Variants in OPCML observed in about 807,000 individuals in gnomAD.
OPCML encodes the protein opioid-binding protein/cell adhesion molecule.
Under a neutral mutation model 37.8 loss-of-function variants are expected in OPCML, and 13 were observed. The observed-to-expected ratio is 0.34, with a 90% CI of 0.22 to 0.55. OPCML has a LOEUF of 0.55. Among genes scored for constraint, OPCML ranks in the 20% least tolerant of loss-of-function variants. OPCML has a pLI of 0.91. For synonymous variants in OPCML, 176 were observed against 168.8 expected, an observed-to-expected ratio of 1.04 and a Z score of -0.33; for missense variants, 341 against 435.6, an observed-to-expected ratio of 0.78 and a Z score of 1.93.
rs533666957 is a variant in OPCML at position 132,749,518 on chromosome 11, G to A, written c.147-92199C>T. 3.9e-5 allele frequency among the ~76,000 whole-genome samples: 6 copies of A among 152,270 alleles called. No homozygotes were observed. In the South Asian group the frequency reaches 6.2e-4, roughly 16 times the overall value. On this transcript the variant is annotated intron_variant, in intron 2 of 7. Transcript: ENST00000524381. ...CAAGTTAAGTTTGGAAAACCTGTTAGACATTCAAACAGAGATGTCATGTAG... is the reference window on the plus strand; with the variant it reads ...CAAGTTAAGTTTGGAAAACCTGTTAAACATTCAAACAGAGATGTCATGTAG...
intron 3 of OPCML, among the ~76,000 whole-genome samples, chr11:132,630,419 G>A (rs553690767): frequency 1.5e-4 from 23 of 152,246 alleles, no homozygotes; most frequent in South Asian, 2.1e-4. Flanking sequence ...TTAGCTGGGC[G>A]TGGTGGCACG....
intron 1 of OPCML, among the ~76,000 whole-genome samples, chr11:133,281,031 G>A (rs917829167): frequency 1.3e-5 from 2 of 152,172 alleles, no homozygotes; most frequent in African/African-American, 2.4e-5. Flanking sequence ...AGGCACTGGA[G>A]AAATTGTCTG....
intron 1 of OPCML, chr11:133,025,594 T>C: frequency 2.0e-6 from 1 of 488,636 alleles, no homozygotes; most frequent in Non-Finnish European, 2.7e-6. Flanking sequence ...TTTAATTTCA[T>C]TCTTTTTTAA....
intron 1 of OPCML, among the ~76,000 whole-genome samples, chr11:133,458,823 G>GTGTGTGTGTATATACACATAGATGCACA (rs1946786268): frequency 6.8e-6 from 1 of 146,632 alleles, no homozygotes; most frequent in Non-Finnish European, 1.5e-5. Context: ...ATAGATGCAC[G>GTGTGTGTGTATATACACATAGATGCACA]TGTGTGTGTA....
chr11:133,169,275 T>C (rs1305762940), intron 1 of OPCML, among the ~76,000 whole-genome samples: 1 of 152,210 alleles, frequency 6.6e-6, no homozygotes, highest in Non-Finnish European at 1.5e-5. Context: ...GAACTTAACC[T>C]GGCTGGGTCC....
rs1940021 is a variant in OPCML, at chr11:132,528,514, T to G, written c.505+547A>C. 9.3e-3 allele frequency among the ~76,000 whole-genome samples: 1,422 copies of G among 152,316 alleles called. 105 individuals carry two copies. In the East Asian group the frequency reaches 0.18, roughly 20 times the overall value. On this transcript the variant is annotated intron_variant, in intron 4 of 7. Transcript: ENST00000524381. ...TTGGAAATGGTTTTAACTGATGTTTTCATACCAATTATTGAATGCTCAGCA... is the reference window on the plus strand; with the variant it reads ...TTGGAAATGGTTTTAACTGATGTTTGCATACCAATTATTGAATGCTCAGCA...
chr11:132,969,607 C>T (rs1020252453), intron 1 of OPCML, among the ~76,000 whole-genome samples: 2 of 152,162 alleles, frequency 1.3e-5, no homozygotes, highest in African/African-American at 4.8e-5. Context: ...CTTTTCTTCA[C>T]ACTTTTTTCT....
chr11:132,889,771 G>A (rs1943573005), intron 2 of OPCML, among the ~76,000 whole-genome samples: 2 of 152,188 alleles, frequency 1.3e-5, no homozygotes, highest in Admixed American at 1.3e-4. Flanking sequence ...CAGGGATGAG[G>A]TTTGTCTGAA....
intron 1 of OPCML, among the ~76,000 whole-genome samples, chr11:133,501,044 C>T (rs1323410322): frequency 6.6e-6 from 1 of 152,064 alleles, no homozygotes; most frequent in Admixed American, 6.5e-5. Context: ...TGTGGCAGCT[C>T]CAGCACCACT....
chr11:132,501,555 T>C (rs2096245663), intron 4 of OPCML, among the ~76,000 whole-genome samples: 1 of 152,186 alleles, frequency 6.6e-6, no homozygotes, highest in South Asian at 2.1e-4. Flanking sequence ...CCCAAGGAGC[T>C]GTACACAGAC....
At chr11:133,190,524 A>T (rs1444133988) in intron 1 of OPCML, among the ~76,000 whole-genome samples, 1 of 152,204 alleles carries the variant, frequency 6.6e-6, no homozygotes. Context: ...ATACAATTCA[A>T]CTGATTTTAG....
chr11:132,638,922 T>C (rs1165916906), intron 3 of OPCML, among the ~76,000 whole-genome samples: 1 of 152,214 alleles, frequency 6.6e-6, no homozygotes, highest in Non-Finnish European at 1.5e-5. Flanking sequence ...CTTTCTCTAC[T>C]GCATTGTCAT....
chr11:132,562,523 G>T (rs1426628441), intron 3 of OPCML, among the ~76,000 whole-genome samples: 1 of 152,072 alleles, frequency 6.6e-6, no homozygotes, highest in African/African-American at 2.4e-5. Flanking sequence ...GAATTATAAA[G>T]CAGAACTGCA....
intron 1 of OPCML, among the ~76,000 whole-genome samples, chr11:133,399,392 C>T (rs1386124272): frequency 1.3e-5 from 2 of 152,138 alleles, no homozygotes; most frequent in African/African-American, 4.8e-5. Flanking sequence ...AACTTAATCA[C>T]TGGATGGCAA....
intron 1 of OPCML, among the ~76,000 whole-genome samples, chr11:133,144,564 A>C (rs191126549): frequency 1.3e-5 from 2 of 152,232 alleles, no homozygotes; most frequent in South Asian, 4.1e-4. Flanking sequence ...CTTTCGGCAC[A>C]TGGGAAGCAT....
intron 1 of OPCML, among the ~76,000 whole-genome samples, chr11:132,975,864 G>A (rs185790198): frequency 1.1e-3 from 167 of 152,064 alleles, no homozygotes; most frequent in African/African-American, 3.9e-3. Flanking sequence ...TCCACCTCCC[G>A]GGTTCACACC....
chr11:132,613,972 C>T lies in OPCML; in HGVS notation c.379+43115G>A, dbSNP rs1254186187. On this transcript the variant is annotated intron_variant, in intron 3 of 7. Transcript: ENST00000524381. ...AGTATGTTACCAAACACATATTTTC[C>T]GTGTAGTAATCAGATGACCAGTCAA... Among the ~76,000 whole-genome samples, 7 of 151,956 alleles carry T rather than the reference C, an allele frequency of 4.6e-5. No homozygotes were observed. The East Asian group carries it at 1.2e-3, about 25-fold the overall frequency.
intron 2 of OPCML, among the ~76,000 whole-genome samples, chr11:132,713,058 T>A (rs953003289): frequency 6.6e-6 from 1 of 152,058 alleles, no homozygotes; most frequent in East Asian, 1.9e-4. Context: ...CCCTCATAGA[T>A]CCCTATCCCC....
intron 1 of OPCML, among the ~76,000 whole-genome samples, chr11:133,403,734 A>G (rs565440745): frequency 6.6e-6 from 1 of 152,342 alleles, no homozygotes; most frequent in South Asian, 2.1e-4. Context: ...TTGGATAAAT[A>G]TGTCCTTTTA....
Sources: allele counts gnomAD v4.1 joint callset (sites outside exome capture counted in the v4.1 genomes callset), GRCh38; gene constraint gnomAD v4.1.1; transcripts MANE v1.5; gene names NCBI Gene and HGNC (gene_info 2026-07-23, HGNC 2026-07-21).